IFI44L: variants seen among roughly 807,000 people sequenced by gnomAD.
IFI44L encodes interferon-induced protein 44-like.
IFI44L carries 40 observed loss-of-function variants against 39.3 expected under a neutral mutation model. That is an observed-to-expected ratio of 1.02 (90% CI 0.79 to 1.33). The LOEUF is 1.33. IFI44L is among the 40% of genes most tolerant of loss of function. The pLI, the probability that IFI44L is intolerant of heterozygous loss-of-function variation, is 0.00. For synonymous variants in IFI44L, 198 were observed against 182.3 expected (o/e 1.09, Z -0.69); for missense variants, 623 against 549.0 (o/e 1.13, Z -1.35).
At chr1:78,630,614 G>T (rs1354556675) in intron 4 of IFI44L, among the ~76,000 whole-genome samples, 1 of 152,052 alleles carries the variant, frequency 6.6e-6, no homozygotes, top group Non-Finnish European at 1.5e-5. Context: ...CTTTTTTAAT[G>T]ATTACCACAA....
At position 78,643,407 on chromosome 1, in the gene IFI44L, C is replaced by A. The variant is rs995329453; in HGVS notation, c.*1598C>A. The A allele has an allele frequency of 1.3e-5, 2 of 151,954 alleles. No individual in the cohort carries two copies. The highest frequency in any genetic ancestry group is 4.8e-5 in the African/African-American group (2 of 41,366). 9.4% of individuals were successfully genotyped at this position (151,954 alleles called of 1,614,324 possible). A position where few individuals can be genotyped will look rare whatever the true frequency, so the allele number is the denominator to read the frequency against. On this transcript the variant is annotated 3_prime_UTR_variant, in exon 9 of 9. Coordinates refer to ENST00000370751, the MANE Select transcript of IFI44L (RefSeq NM_006820.4). ...TATTGCACAGTAACACACCAATATA[C>A]CAAAACAGCAGGTATTGCAGTAGAG...
intron 6 of IFI44L, among the ~76,000 whole-genome samples, chr1:78,638,890 G>A (rs1557689670): frequency 6.6e-6 from 1 of 151,990 alleles, no homozygotes; most frequent in Non-Finnish European, 1.5e-5. Flanking sequence ...ATTTTTAATT[G>A]CATCTTCGAT....
At chr1:78,633,436 C>T (rs528068481) in intron 4 of IFI44L, among the ~76,000 whole-genome samples, 1 of 152,186 alleles carries the variant, frequency 6.6e-6, no homozygotes, top group South Asian at 2.1e-4. Context: ...AGTGGCCCAA[C>T]CTCTGAACAG....
At position 78,644,237 on chromosome 1, in the gene IFI44L, A is replaced by AG. The variant is rs1647022504; in HGVS notation, c.*2432dup. On this transcript the variant is annotated 3_prime_UTR_variant, in exon 9 of 9. Transcript: ENST00000370751. The stretch of plus-strand genomic sequence containing the variant: ...TGTAGGACTTCTTTATTTTGTTTAA[A>AG]GGGGTAACACAGAGTGCCCTTATGA... 6.6e-6 allele frequency: 1 copy of AG among 152,182 alleles called. No individual in the cohort carries two copies. The highest frequency in any genetic ancestry group is 1.5e-5 in the Non-Finnish European group (1 of 68,020). 9.4% of individuals were successfully genotyped at this position (152,182 alleles called of 1,614,324 possible). A position where few individuals can be genotyped will look rare whatever the true frequency, so the allele number is the denominator to read the frequency against.
intron 5 of IFI44L, chr1:78,636,560 A>C (rs1295604196): frequency 1.3e-5 from 2 of 151,988 alleles, no homozygotes; most frequent in Non-Finnish European, 2.9e-5. Context: ...ATTTCACTTT[A>C]GTTTATTTTT....
intron 4 of IFI44L, among the ~76,000 whole-genome samples, 153 bp from the exon 5 acceptor site, chr1:78,635,184 C>T (rs534834969): frequency 6.6e-6 from 1 of 152,060 alleles, no homozygotes; most frequent in African/African-American, 2.4e-5. Flanking sequence ...CTTTGGGATT[C>T]TCAATAACTT....
intron 6 of IFI44L, among the ~76,000 whole-genome samples, chr1:78,640,440 G>T (rs1646968952): frequency 6.6e-6 from 1 of 152,112 alleles, no homozygotes; most frequent in Admixed American, 6.6e-5. Context: ...ATTTTAGTAG[G>T]AAGAAGGTAC....
chr1:78,631,839 A>G (rs1652760697), intron 4 of IFI44L, among the ~76,000 whole-genome samples: 1 of 152,152 alleles, frequency 6.6e-6, no homozygotes, highest in Non-Finnish European at 1.5e-5. Context: ...ATTACACAAC[A>G]TAGTTTTACC....
intron 3 of IFI44L, 120 bp downstream of exon 3, chr1:78,629,119 T>C (rs1652617583): frequency 5.6e-6 from 4 of 710,912 alleles, no homozygotes; most frequent in East Asian, 2.7e-5. Context: ...AAAAGAGTTA[T>C]AATGTTATTG....
chr1:78,641,534 C>A lies in IFI44L; in HGVS notation c.1249C>A (p.Leu417Ile). 6.2e-7 allele frequency: 1 copy of A among 1,613,698 alleles called. No homozygotes were observed. The highest frequency in any genetic ancestry group is 8.5e-7 in the Non-Finnish European group (1 of 1,179,728). Residue 417 changes from leucine (L) to isoleucine (I), a missense_variant, in exon 8 of 9, where the codon CTC becomes ATC. Transcript: ENST00000370751. ...DLELDPMKDI[L>I]ILSALRQMLR... Reference sequence around the variant, plus strand: ...GGAACTGGACCCCATGAAGGATATTCTCATCCTCTCTGCACTGAGGCAGAT... The same window carrying A: ...GGAACTGGACCCCATGAAGGATATTATCATCCTCTCTGCACTGAGGCAGAT...
Position 78,629,758 on chromosome 1 carries a change from G to C in IFI44L, c.566G>C (p.Arg189Thr), listed in dbSNP as rs961556348. Residue 189 changes from arginine (R) to threonine (T), a missense_variant, in exon 4 of 9, where the codon AGG (arginine) becomes ACG (threonine). Coordinates refer to ENST00000370751, the MANE Select transcript of IFI44L (RefSeq NM_006820.4). ...NRLLADIRDY[R>T]PYADLVSEIR... ...CTTCTAGCAGACATCAGAGACTATA[G>C]GCCCTATGCAGACTTGGTTTCAGAA... The C allele has an allele frequency of 2.5e-6, 4 of 1,613,524 alleles. No homozygotes were observed. In the African/African-American group the frequency reaches 5.3e-5, roughly 22 times the overall value.
At chr1:78,632,243 A>G (rs1652776445) in intron 4 of IFI44L, among the ~76,000 whole-genome samples, 1 of 152,186 alleles carries the variant, frequency 6.6e-6, no homozygotes, top group Admixed American at 6.5e-5. Flanking sequence ...ATAAAGAACA[A>G]AAACAAAAAC....
In IFI44L at chr1:78,642,704, C is replaced by T. The variant is rs1375336729; in HGVS notation, c.*895C>T. The T allele has an allele frequency of 1.3e-5, 2 of 152,066 alleles. No individual in the cohort carries two copies. Among genetic ancestry groups the T allele is most frequent in the African/African-American group, 4.8e-5 (2 of 41,416 alleles). 9.4% of individuals were successfully genotyped at this position (152,066 alleles called of 1,614,324 possible). ...TATATCTGAATGAAAATATGAATGA[C>T]TCTAAGTAATTGAATTAATTAAAAT... is the stretch of plus-strand genomic sequence containing the variant. On this transcript the variant is annotated 3_prime_UTR_variant, in exon 9 of 9. Transcript: ENST00000370751.
Position 78,644,088 on chromosome 1 carries a change from A to G in IFI44L, c.*2279A>G, listed in dbSNP as rs1471225110. ...TTTCTCCATGTAATCCAGGGAGAAA[A>G]CAAGCCATGACCATTGTTGGTTGGG... is the stretch of plus-strand genomic sequence containing the variant. On this transcript the variant is annotated 3_prime_UTR_variant, in exon 9 of 9. Coordinates refer to ENST00000370751, the MANE Select transcript of IFI44L (RefSeq NM_006820.4). The G allele has an allele frequency of 6.6e-6, 1 of 152,162 alleles. No homozygotes were observed. The highest frequency in any genetic ancestry group is 6.5e-5 in the Admixed American group (1 of 15,268). The allele number at this position is 152,162 out of a possible 1,614,324, so 9.4% of individuals were successfully genotyped here.
intron 4 of IFI44L, 167 bp downstream of exon 4, chr1:78,630,082 C>T (rs1652693286): frequency 3.2e-6 from 2 of 634,650 alleles, no homozygotes; most frequent in Non-Finnish European, 5.6e-6. Flanking sequence ...CTATATTATA[C>T]AGAGAAGCTT....
chr1:78,628,246 C>T lies in IFI44L; in HGVS notation c.331C>T (p.Gln111Ter). The stretch of plus-strand genomic sequence containing the variant: ...TACAGCACCAAAAATTATTGATGAG[C>T]AACTGGTGTGTCGTTTATCGAAAAC... ...LNTAPKIIDE[Q>*]LVCRLSKTDI... Residue 111 changes from glutamine (Q) to a stop codon, truncating the protein, a stop_gained, in exon 2 of 9, where the codon CAA becomes TAA. Transcript: ENST00000370751. LOFTEE classifies it high-confidence loss of function. 1 of 1,611,772 alleles carries T rather than the reference C, an allele frequency of 6.2e-7. No homozygotes were observed. Among genetic ancestry groups the T allele is most frequent in the Non-Finnish European group, 8.5e-7 (1 of 1,178,664 alleles).
Position 78,641,436 on chromosome 1 carries a change from T to C in IFI44L, c.1151T>C (p.Val384Ala). The C allele has an allele frequency of 6.2e-7, 1 of 1,612,490 alleles. No individual in the cohort carries two copies. The highest frequency in any genetic ancestry group is 1.1e-5 in the South Asian group (1 of 91,048). The change falls in exon 8 of 9, where the codon GTC (valine) becomes GCC (alanine). Residue 384 changes from valine to alanine, a missense_variant and splice_region_variant. Physicochemically the swap from Val to Ala is moderately conservative, Grantham distance 64. Transcript: ENST00000370751. ...MSRSMTSQSR[V>A]MNVHKMLGIP... ...ACTTTTTAAATATACTTTCCACAGG[T>C]CATGAATGTCCATAAAATGCTAGGC...
chr1:78,633,339 T>A (rs915121491), intron 4 of IFI44L, among the ~76,000 whole-genome samples: 2 of 152,204 alleles, frequency 1.3e-5, no homozygotes, highest in African/African-American at 4.8e-5. Context: ...TCTAGCCCCA[T>A]GCTGGTGCCA....
chr1:78,621,416 C>T (rs913404873), intron 1 of IFI44L, among the ~76,000 whole-genome samples: 57 of 151,972 alleles, frequency 3.8e-4, no homozygotes, highest in Non-Finnish European at 4.4e-5. Flanking sequence ...GGATTACAGG[C>T]GTGCACCAGC....
Sources: gnomAD v4.1 joint callset for allele counts (sites outside exome capture counted in the v4.1 genomes callset) on GRCh38, gnomAD v4.1.1 for gene constraint, MANE v1.5 for transcripts, NCBI Gene and HGNC (gene_info 2026-07-23, HGNC 2026-07-21) for gene names.